Variants in SCAF8 observed in about 807,000 individuals in gnomAD.
SCAF8 encodes the protein SR-related CTD associated factor 8, also known as SR-related and CTD-associated factor 8.
In SCAF8, 23 loss-of-function variants were observed where a neutral mutation model predicts 140.5. That is an observed-to-expected ratio of 0.16 (90% CI 0.12 to 0.23). The LOEUF is 0.23. Among genes scored for constraint, SCAF8 ranks in the 10% least tolerant of loss-of-function variants. The probability of loss-of-function intolerance (pLI) is 1.00; values close to 1 mark genes in which losing one functional copy is unlikely to be tolerated. For synonymous variants in SCAF8, 575 were observed against 528.9 expected (o/e 1.09, Z -1.20); for missense variants, 1,397 against 1,555.7 (o/e 0.90, Z 1.72).
intron 1 of SCAF8, among the ~76,000 whole-genome samples, chr6:154,735,047 C>T (rs887313435): frequency 2.6e-5 from 4 of 151,552 alleles, no homozygotes; most frequent in South Asian, 2.1e-4. Flanking sequence ...TCGCTTGAAC[C>T]TGGGAAGCGG....
At chr6:154,758,188 A>G (rs1187488509) in intron 1 of SCAF8, among the ~76,000 whole-genome samples, 1 of 152,164 alleles carries the variant, frequency 6.6e-6, no homozygotes, top group Non-Finnish European at 1.5e-5. Flanking sequence ...CTGGGAATAC[A>G]GGTTTGAGCC....
At chr6:154,755,833 A>G (rs1778953817) in intron 1 of SCAF8, among the ~76,000 whole-genome samples, 1 of 152,198 alleles carries the variant, frequency 6.6e-6, no homozygotes, top group Non-Finnish European at 1.5e-5. Flanking sequence ...GTGATTTTGT[A>G]GTAGGAAAGC....
chr6:154,815,427 C>G (rs1778218947), intron 12 of SCAF8, among the ~76,000 whole-genome samples: 2 of 152,166 alleles, frequency 1.3e-5, no homozygotes, highest in Admixed American at 6.5e-5. Flanking sequence ...ACACTGCATG[C>G]CACTCATCCT....
At chr6:154,734,440 T>C (rs1355947912) in intron 1 of SCAF8, among the ~76,000 whole-genome samples, 1 of 152,230 alleles carries the variant, frequency 6.6e-6, no homozygotes, top group African/African-American at 2.4e-5. Flanking sequence ...TGAGGCATTG[T>C]TGACTAGGTA....
chr6:154,751,853 C>G (rs1405331260), intron 1 of SCAF8, among the ~76,000 whole-genome samples: 1 of 152,140 alleles, frequency 6.6e-6, no homozygotes, highest in Non-Finnish European at 1.5e-5. Flanking sequence ...TGCTCCTCTC[C>G]TCCTCGTAGA....
chr6:154,768,054 C>G (rs1433422173), intron 1 of SCAF8, among the ~76,000 whole-genome samples: 4 of 152,124 alleles, frequency 2.6e-5, no homozygotes, highest in Non-Finnish European at 2.9e-5. Context: ...ATTTTCAATA[C>G]AAGATAAAAA....
At chr6:154,776,311 GTA>G (rs751835442) in intron 2 of SCAF8, among the ~76,000 whole-genome samples, 1 of 101,546 alleles carries the variant, frequency 9.8e-6, no homozygotes, top group Admixed American at 1.1e-4. Context: ...ATATATATAT[GTA>G]TATATATAAA....
chr6:154,755,562 A>G lies in SCAF8; in HGVS notation c.31-18427A>G, dbSNP rs1039399835. Among the ~76,000 whole-genome samples the G allele has an allele frequency of 3.9e-5, 6 of 152,152 alleles. No homozygotes were observed. In the East Asian group the frequency reaches 1.2e-3, roughly 29 times the overall value. The stretch of plus-strand genomic sequence containing the variant: ...TATTAGATTAATTTTTATTACTATT[A>G]GTTTTAATAGTGATATTGCTTGAAT... On this transcript the variant is annotated intron_variant, in intron 1 of 19. Transcript: ENST00000367178.
intron 15 of SCAF8, among the ~76,000 whole-genome samples, chr6:154,820,969 A>G (rs1421068213): frequency 6.6e-6 from 1 of 152,234 alleles, no homozygotes; most frequent in Non-Finnish European, 1.5e-5. Flanking sequence ...TAGCTCTTTT[A>G]TCAGAGTTAG....
chr6:154,756,443 ATTTT>A (rs533796727), intron 1 of SCAF8, among the ~76,000 whole-genome samples: 73 of 152,222 alleles, frequency 4.8e-4, no homozygotes, highest in African/African-American at 1.6e-3. Context: ...TTTAAATGTT[ATTTT>A]TTGTTTTCTA....
At position 154,796,389 on chromosome 6, in the gene SCAF8, C is replaced by CTCTCTGTCTGTCTG. The variant is rs376622207; in HGVS notation, c.606+1253_606+1254insCTGTCTGTCTGTCT. On this transcript the variant is annotated intron_variant, in intron 6 of 19. Transcript: ENST00000367178. ...TCTCTCTCTCTCTCTCTCTCTCTCT[C>CTCTCTGTCTGTCTG]TCTGTCTCTCTCTTTTTCTGACCCT... 1.9e-3 allele frequency among the ~76,000 whole-genome samples: 269 copies of CTCTCTGTCTGTCTG among 141,052 alleles called. 1 individual carries two copies. The highest frequency in any genetic ancestry group is 7.3e-3 in the East Asian group (33 of 4,504). The allele number at this position is 141,052 out of a possible 152,430, so 92.5% of individuals were successfully genotyped here.
intron 1 of SCAF8, among the ~76,000 whole-genome samples, chr6:154,755,387 A>G (rs1778940909): frequency 6.6e-6 from 1 of 151,950 alleles, no homozygotes; most frequent in African/African-American, 2.4e-5. Flanking sequence ...CCGAGTAGCT[A>G]GGATTACAGA....
At chr6:154,754,546 A>G (rs1033598560) in intron 1 of SCAF8, among the ~76,000 whole-genome samples, 4 of 152,246 alleles carry the variant, frequency 2.6e-5, no homozygotes, top group African/African-American at 9.6e-5. Context: ...AGAATAGTAA[A>G]TATCAATCTT....
At chr6:154,767,500 T>G (rs1419008250) in intron 1 of SCAF8, among the ~76,000 whole-genome samples, 1 of 151,482 alleles carries the variant, frequency 6.6e-6, no homozygotes, top group African/African-American at 2.4e-5. Context: ...TGTTGCCTCT[T>G]GTTTGGCAGA....
At chr6:154,749,578 GT>G in intron 1 of SCAF8, among the ~76,000 whole-genome samples, 1 of 152,298 alleles carries the variant, frequency 6.6e-6, no homozygotes, top group Non-Finnish European at 1.5e-5. Flanking sequence ...CCTATGTATA[GT>G]TTGTGTACAC....
chr6:154,799,253 C>G (rs937638470), intron 6 of SCAF8, among the ~76,000 whole-genome samples: 3 of 151,294 alleles, frequency 2.0e-5, no homozygotes, highest in Non-Finnish European at 4.4e-5. Context: ...GCTGGAATTA[C>G]AGGCATGAGC....
At position 154,832,903 on chromosome 6, in the gene SCAF8, G is replaced by C. The variant is rs773988265; in HGVS notation, c.3324G>C (p.Pro1108=). Reference sequence around the variant, plus strand: ...ATGAGAGAGAGCATCGGGTTCTACCGGTCTATGGTGGTCCAAAAGGCTTAC... The same window carrying C: ...ATGAGAGAGAGCATCGGGTTCTACCCGTCTATGGTGGTCCAAAAGGCTTAC... The part of the protein sequence containing the change: ...DFDEREHRVL[P]VYGGPKGLHE... Residue 1108 remains proline, a synonymous_variant, in exon 20 of 20, where the codon CCG becomes CCC. Transcript: ENST00000367178. 2.4e-5 allele frequency: 38 copies of C among 1,613,904 alleles called. No individual in the cohort carries two copies. The highest frequency in any genetic ancestry group is 3.1e-5 in the Non-Finnish European group (37 of 1,179,986).
chr6:154,791,648 A>T (rs6908510), intron 4 of SCAF8, among the ~76,000 whole-genome samples: 3 of 86,116 alleles, frequency 3.5e-5, no homozygotes, highest in East Asian at 1.9e-3. Flanking sequence ...TTGTTTTTTT[A>T]AAAAATGTGT....
At chr6:154,787,240 T>C (rs188074485) in intron 3 of SCAF8, among the ~76,000 whole-genome samples, 2 of 152,354 alleles carry the variant, frequency 1.3e-5, no homozygotes. Context: ...GCACCTGTGG[T>C]CACAGCTATT....
Sources: gnomAD v4.1 joint callset for allele counts (sites outside exome capture counted in the v4.1 genomes callset) on GRCh38, gnomAD v4.1.1 for gene constraint, MANE v1.5 for transcripts, NCBI Gene and HGNC (gene_info 2026-07-23, HGNC 2026-07-21) for gene names.